Variants in CREBRF observed in about 807,000 individuals in gnomAD.
CREBRF encodes the protein UPF0474 protein C5orf41.
CREBRF carries 5 observed loss-of-function variants against 66.1 expected under a neutral mutation model. That is an observed-to-expected ratio of 0.08 (90% CI 0.04 to 0.16). CREBRF has a LOEUF of 0.16. Among genes scored for constraint, CREBRF ranks in the 10% least tolerant of loss-of-function variants. CREBRF has a pLI of 1.00. For synonymous variants in CREBRF, 229 were observed against 264.4 expected, an observed-to-expected ratio of 0.87 and a Z score of 1.30; for missense variants, 531 against 744.9, an observed-to-expected ratio of 0.71 and a Z score of 3.34.
chr5:173,120,088 A>G (rs1759102104), intron 7 of CREBRF, among the ~76,000 whole-genome samples: 1 of 152,124 alleles, frequency 6.6e-6, no homozygotes, highest in Admixed American at 6.5e-5. Flanking sequence ...TTGTGTCTAC[A>G]TTCAAGAGGA....
At position 173,135,022 on chromosome 5, in the gene CREBRF, T is replaced by C. The variant is rs1384126814; in HGVS notation, c.*1277T>C. ...AAAATTAAAATGTTTATTTAGCTTA[T>C]TGTAGTATACTTCCACCAGACAACA... On this transcript the variant is annotated 3_prime_UTR_variant, in exon 9 of 9. Transcript: ENST00000296953. 1 of 152,314 alleles carries C rather than the reference T, an allele frequency of 6.6e-6. No individual in the cohort carries two copies. Among genetic ancestry groups the C allele is most frequent in the Non-Finnish European group, 1.5e-5 (1 of 67,910 alleles). The allele number at this position is 152,314 out of a possible 1,614,324, so 9.4% of individuals were successfully genotyped here. A position where few individuals can be genotyped will look rare whatever the true frequency, so the allele number is the denominator to read the frequency against.
intron 8 of CREBRF, among the ~76,000 whole-genome samples, chr5:173,127,100 T>C (rs539200296): frequency 1.3e-5 from 2 of 151,900 alleles, no homozygotes; most frequent in South Asian, 4.2e-4. Flanking sequence ...TAACAACAAC[T>C]ATACAGCTGT....
intron 4 of CREBRF, among the ~76,000 whole-genome samples, chr5:173,105,225 ATGTGTGTGTGTGTGTGTGTGTG>A (rs34768667): frequency 6.8e-6 from 1 of 146,546 alleles, no homozygotes; most frequent in Non-Finnish European, 1.5e-5. Flanking sequence ...GTGTGTATAT[ATGTGTGTGTGTGTGTGTGTGTG>A]TGTGTGTGTA....
intron 7 of CREBRF, 26 bp from the exon 8 acceptor site, chr5:173,123,054 T>C: frequency 6.4e-7 from 1 of 1,564,578 alleles, no homozygotes; most frequent in Non-Finnish European, 8.6e-7. Context: ...AGTGACATAT[T>C]CCAAGTGTTT....
intron 1 of CREBRF, among the ~76,000 whole-genome samples, chr5:173,064,609 AG>A (rs1757378592): frequency 7.5e-6 from 1 of 133,012 alleles, no homozygotes; most frequent in Non-Finnish European, 1.5e-5. Context: ...TCTGTCGCCC[AG>A]GCGGAGTGCA....
chr5:173,086,122 A>C, intron 2 of CREBRF: 3 of 802,872 alleles, frequency 3.7e-6, no homozygotes, highest in Non-Finnish European at 6.8e-6. Context: ...CGTTATTCCG[A>C]TGGAAATTTG....
chr5:173,075,443 C>T (rs1317993467), intron 1 of CREBRF, among the ~76,000 whole-genome samples: 1 of 152,180 alleles, frequency 6.6e-6, no homozygotes, highest in Admixed American at 6.5e-5. Flanking sequence ...TACCGTGAAA[C>T]AGGTAGTGGC....
In CREBRF at chr5:173,133,794, A is replaced by G; in HGVS notation, c.*49A>G. On this transcript the variant is annotated 3_prime_UTR_variant, in exon 9 of 9. Coordinates refer to ENST00000296953, the MANE Select transcript of CREBRF (RefSeq NM_153607.3). ...AGAAATGTCTGCGTTTTGTCACGTTATCCATTGTAAATTTTCATTCTGTTT... is the reference window on the plus strand; with the variant it reads ...AGAAATGTCTGCGTTTTGTCACGTTGTCCATTGTAAATTTTCATTCTGTTT... The G allele has an allele frequency of 1.0e-6, 1 of 954,332 alleles. No homozygotes were observed. The highest frequency in any genetic ancestry group is 1.6e-6 in the Non-Finnish European group (1 of 608,362). 59.1% of individuals were successfully genotyped at this position (954,332 alleles called of 1,614,324 possible). A position where few individuals can be genotyped will look rare whatever the true frequency, so the allele number is the denominator to read the frequency against.
intron 4 of CREBRF, among the ~76,000 whole-genome samples, chr5:173,094,896 A>G (rs1758440520): frequency 6.6e-6 from 1 of 151,998 alleles, no homozygotes; most frequent in Admixed American, 6.6e-5. Context: ...GTTTTCTCCT[A>G]GTATTTTTAT....
intron 7 of CREBRF, among the ~76,000 whole-genome samples, chr5:173,120,312 A>G (rs368428330): frequency 3.3e-5 from 5 of 151,722 alleles, no homozygotes; most frequent in East Asian, 3.8e-4. Context: ...GGTAATTTCA[A>G]TTCTTTTACT....
At chr5:173,063,117 C>T (rs534278734) in intron 1 of CREBRF, among the ~76,000 whole-genome samples, 4 of 152,210 alleles carry the variant, frequency 2.6e-5, no homozygotes, top group East Asian at 1.9e-4. Context: ...TCGAGTTTGA[C>T]GCAGGGTGCG....
At chr5:173,091,502 A>AAAT in intron 4 of CREBRF, 101 bp downstream of exon 4, 2 of 1,507,868 alleles carry the variant, frequency 1.3e-6, no homozygotes, top group Non-Finnish European at 1.8e-6. Flanking sequence ...TCTTTATTTT[A>AAAT]GTTTGGGAAT....
intron 2 of CREBRF, chr5:173,085,370 C>T: frequency 7.9e-7 from 1 of 1,267,444 alleles, no homozygotes; most frequent in South Asian, 1.2e-5. Context: ...TTCTTCGATC[C>T]TGGAGGCTCC....
intron 4 of CREBRF, among the ~76,000 whole-genome samples, chr5:173,106,660 C>T (rs1362678836): frequency 6.6e-6 from 1 of 152,120 alleles, no homozygotes; most frequent in Non-Finnish European, 1.5e-5. Context: ...GTGTACACTT[C>T]TATGAGTTTT....
chr5:173,085,497 A>T, intron 2 of CREBRF: 1 of 555,864 alleles, frequency 1.8e-6, no homozygotes, highest in South Asian at 2.1e-5. Flanking sequence ...GCTTACTGCA[A>T]CCTTCGCCTC....
chr5:173,070,279 A>C lies in CREBRF; in HGVS notation c.-191-10306A>C, dbSNP rs115899963. 9.9e-3 allele frequency among the ~76,000 whole-genome samples: 1,507 copies of C among 152,268 alleles called. 14 individuals carry two copies. The highest frequency in any genetic ancestry group is 0.034 in the Middle Eastern group (10 of 294). On this transcript the variant is annotated intron_variant, in intron 1 of 8. Coordinates refer to ENST00000296953, the MANE Select transcript of CREBRF (RefSeq NM_153607.3). ...CAGTGTGTGAAGAATGTGTGGTGTC[A>C]CTGGAATCCTGCTGTGTGCTCCAGT... is the stretch of plus-strand genomic sequence containing the variant.
At chr5:173,095,282 A>G (rs1355002049) in intron 4 of CREBRF, among the ~76,000 whole-genome samples, 5 of 133,622 alleles carry the variant, frequency 3.7e-5, no homozygotes, top group Non-Finnish European at 7.6e-5. Flanking sequence ...TCCGCCTCCC[A>G]GGTTCACGCC....
At chr5:173,073,979 A>G (rs1561794690) in intron 1 of CREBRF, among the ~76,000 whole-genome samples, 1 of 100,050 alleles carries the variant, frequency 1.0e-5, no homozygotes, top group East Asian at 2.0e-4. Context: ...AATAAAAAAT[A>G]AAAATAAATA....
chr5:173,104,357 C>T (rs979313577), intron 4 of CREBRF, among the ~76,000 whole-genome samples: 2 of 151,856 alleles, frequency 1.3e-5, no homozygotes, highest in African/African-American at 4.8e-5. Context: ...TTTTTTCATT[C>T]TGTTTGATCA....
Sources: allele counts gnomAD v4.1 joint callset (sites outside exome capture counted in the v4.1 genomes callset), GRCh38; gene constraint gnomAD v4.1.1; transcripts MANE v1.5; gene names NCBI Gene and HGNC (gene_info 2026-07-23, HGNC 2026-07-21).